The following NOTCH2NLB variants were observed in gnomAD, a reference collection of about 807,000 sequenced individuals.
NOTCH2NLB encodes the protein notch 2 N-terminal like B.
Under a neutral mutation model 14.8 loss-of-function variants are expected in NOTCH2NLB, and 1 was observed. That is an observed-to-expected ratio of 0.07 (90% CI 0.02 to 0.32). NOTCH2NLB has a LOEUF of 0.32. NOTCH2NLB is among the 10% of genes least tolerant of loss of function. The pLI, the probability that NOTCH2NLB is intolerant of heterozygous loss-of-function variation, is 1.00. For synonymous variants in NOTCH2NLB, 6 were observed against 57.5 expected (o/e 0.10, Z 4.05); for missense variants, 11 against 155.0 (o/e 0.07, Z 4.93).
At chr1:148,609,610 C>T (rs1663619492) in intron 3 of NOTCH2NLB, among the ~76,000 whole-genome samples, 2 of 143,996 alleles carry the variant, frequency 1.4e-5, no homozygotes, top group African/African-American at 5.3e-5. Context: ...GGTATATACC[C>T]AGTACTGGGA....
Position 148,649,555 on chromosome 1 carries a change from G to C in NOTCH2NLB, c.4-9466C>G, listed in dbSNP as rs1277957990. On this transcript the variant is annotated intron_variant, in intron 1 of 4. Coordinates refer to ENST00000593495, the Ensembl canonical transcript of NOTCH2NLB. ...AGATGGAGTCTCGCTCTGTCACCCA[G>C]GCTGGAGTGCAGTGGCGCAATCTCA... is the stretch of plus-strand genomic sequence containing the variant. Among the ~76,000 whole-genome samples the C allele has an allele frequency of 5.0e-5, 7 of 140,352 alleles. No individual in the cohort carries two copies. In the Admixed American group the frequency reaches 5.1e-4, roughly 10 times the overall value. 92.1% of individuals were successfully genotyped at this position (140,352 alleles called of 152,430 possible).
intron 1 of NOTCH2NLB, among the ~76,000 whole-genome samples, chr1:148,673,703 G>C (rs1319340076): frequency 6.6e-6 from 1 of 151,496 alleles, no homozygotes; most frequent in South Asian, 2.1e-4. Context: ...TTTCTTCTCT[G>C]TACTAAGTGG....
At chr1:148,670,534 AAAAAAATATATATATATAC>A (rs1224420771) in intron 1 of NOTCH2NLB, among the ~76,000 whole-genome samples, 3 of 53,354 alleles carry the variant, frequency 5.6e-5, no homozygotes, top group African/African-American at 2.8e-4. Context: ...TAAACTAAAA[AAAAAAATATATATATATAC>A]ATATATATAT....
Position 148,608,154 on chromosome 1 carries a change from C to T in NOTCH2NLB, c.338-409G>A, listed in dbSNP as rs1223997878. Among the ~76,000 whole-genome samples the T allele has an allele frequency of 2.3e-4, 31 of 135,642 alleles. 3 individuals are homozygous for T. Among genetic ancestry groups the T allele is most frequent in the South Asian group, 1.4e-3 (6 of 4,296 alleles). The allele number at this position is 135,642 out of a possible 152,430, so 89.0% of individuals were successfully genotyped here. A position where few individuals can be genotyped will look rare whatever the true frequency, so the allele number is the denominator to read the frequency against. On this transcript the variant is annotated intron_variant, in intron 3 of 4. Coordinates refer to ENST00000593495, the Ensembl canonical transcript of NOTCH2NLB. ...CTGTAATTCCAGCACTTTGGAAGGC[C>T]GAGGCAGGCAGATCATGAGGTAAGG...
intron 1 of NOTCH2NLB, among the ~76,000 whole-genome samples, chr1:148,670,378 A>G (rs1664732626): frequency 1.4e-5 from 2 of 145,720 alleles, no homozygotes; most frequent in Non-Finnish European, 3.1e-5. Flanking sequence ...TGATATGAAA[A>G]AACATTCAAT....
chr1:148,645,559 C>T (rs1350230169), intron 1 of NOTCH2NLB, among the ~76,000 whole-genome samples: 34 of 148,454 alleles, frequency 2.3e-4, no homozygotes, highest in Middle Eastern at 3.6e-3. Flanking sequence ...ACCACTTCCA[C>T]TGCATTCTCT....
intron 3 of NOTCH2NLB, among the ~76,000 whole-genome samples, chr1:148,615,429 C>T (rs1188348205): frequency 1.7e-4 from 5 of 28,936 alleles, no homozygotes; most frequent in South Asian, 1.4e-3. Context: ...GGATTGCAAG[C>T]GTGCGCCACC....
chr1:148,689,500 TC>T, the NOTCH2NLB span, among the ~76,000 whole-genome samples: 1 of 149,526 alleles, frequency 6.7e-6, no homozygotes, highest in Non-Finnish European at 1.5e-5. Flanking sequence ...ACCAGGCTGG[TC>T]TCGAACTCCT....
chr1:148,610,323 GAGAAAGAAAGAAAGAA>G (rs1294416962), intron 3 of NOTCH2NLB, among the ~76,000 whole-genome samples: 1,023 of 45,488 alleles, frequency 0.022, 23 homozygotes, highest in Non-Finnish European at 0.032. Flanking sequence ...GAGAAAGAGA[GAGAAAGAAAGAAAGAA>G]AGAAAGAAAG....
At chr1:148,632,895 CTCT>C (rs1231965234) in intron 2 of NOTCH2NLB, among the ~76,000 whole-genome samples, 1 of 117,168 alleles carries the variant, frequency 8.5e-6, no homozygotes, top group Non-Finnish European at 1.7e-5. Context: ...CTTCACTGCC[CTCT>C]TCTTCTATTT....
chr1:148,693,122 C>T, the NOTCH2NLB span, among the ~76,000 whole-genome samples: 3 of 131,400 alleles, frequency 2.3e-5, no homozygotes, highest in Admixed American at 1.5e-4. Flanking sequence ...CTTCCTCTCT[C>T]TCTCTTCCTT....
intron 1 of NOTCH2NLB, among the ~76,000 whole-genome samples, chr1:148,660,522 A>G (rs1664648352): frequency 6.8e-6 from 1 of 147,238 alleles, no homozygotes; most frequent in South Asian, 2.2e-4. Flanking sequence ...GTGACTCTGC[A>G]TTAGATCTCA....
the NOTCH2NLB span, among the ~76,000 whole-genome samples, chr1:148,703,004 C>T: frequency 3.5e-5 from 1 of 28,878 alleles, no homozygotes; most frequent in African/African-American, 1.1e-4. Context: ...CCAGCTACTC[C>T]GGAGGCTGAG....
At chr1:148,658,952 GT>G (rs1436017536) in intron 1 of NOTCH2NLB, among the ~76,000 whole-genome samples, 1 of 147,876 alleles carries the variant, frequency 6.8e-6, no homozygotes, top group African/African-American at 2.5e-5. Context: ...ATACACCAGG[GT>G]TTTTTCTAAG....
chr1:148,712,466 G>A, the NOTCH2NLB span, among the ~76,000 whole-genome samples: 2 of 152,296 alleles, frequency 1.3e-5, no homozygotes, highest in Non-Finnish European at 2.9e-5. Flanking sequence ...AATATGTGAT[G>A]AAACGTCCAG....
At chr1:148,670,533 A>T (rs1199717076) in intron 1 of NOTCH2NLB, among the ~76,000 whole-genome samples, 18 of 22,054 alleles carry the variant, frequency 8.2e-4, no homozygotes, top group African/African-American at 1.9e-3. Flanking sequence ...ATAAACTAAA[A>T]AAAAAAATAT....
intron 1 of NOTCH2NLB, among the ~76,000 whole-genome samples, chr1:148,649,677 A>G (rs1370938775): frequency 6.6e-6 from 1 of 151,268 alleles, no homozygotes; most frequent in Non-Finnish European, 1.5e-5. Context: ...CAACCGGCTA[A>G]TTTTTTTTGT....
chr1:148,625,237 T>C (rs1663954271), intron 2 of NOTCH2NLB, among the ~76,000 whole-genome samples: 1 of 45,846 alleles, frequency 2.2e-5, no homozygotes. Context: ...CTTTTCCAAA[T>C]AAAAGCCAGT....
At chr1:148,645,895 C>A (rs1185093727) in intron 1 of NOTCH2NLB, among the ~76,000 whole-genome samples, 3 of 150,564 alleles carry the variant, frequency 2.0e-5, no homozygotes, top group African/African-American at 7.3e-5. Context: ...TGAAGCAATG[C>A]AGTTAAGCAG....
Sources: allele counts gnomAD v4.1 joint callset (sites outside exome capture counted in the v4.1 genomes callset), GRCh38; gene constraint gnomAD v4.1.1; transcripts MANE v1.5; gene names NCBI Gene and HGNC (gene_info 2026-07-23, HGNC 2026-07-21).